The following SNRNP40 variants were observed in gnomAD, a reference collection of about 807,000 sequenced individuals.
SNRNP40 encodes small nuclear ribonucleoprotein U5 subunit 40.
Under a neutral mutation model 45.8 loss-of-function variants are expected in SNRNP40, and 21 were observed. That is an observed-to-expected ratio of 0.46 (90% CI 0.32 to 0.66). SNRNP40 has a LOEUF of 0.66. Ranked by LOEUF, SNRNP40 falls within the 30% of genes least tolerant of loss-of-function variation. The pLI, the probability that SNRNP40 is intolerant of heterozygous loss-of-function variation, is 0.03. For missense variants in SNRNP40, 344 were observed against 439.1 expected (o/e 0.78, Z 1.94); for synonymous variants, 142 against 163.8 (o/e 0.87, Z 1.01).
rs527736438 is a variant in SNRNP40 at position 31,275,974 on chromosome 1, T to C, written c.655-4475A>G. On this transcript the variant is annotated intron_variant, in intron 5 of 9. Coordinates refer to ENST00000263694, the MANE Select transcript of SNRNP40 (RefSeq NM_004814.3). Reference sequence around the variant, plus strand: ...AAAGTTTCATGCACAAATATGTCCATAGCAGCATAATCTGTGATAATGATT... The same window carrying C: ...AAAGTTTCATGCACAAATATGTCCACAGCAGCATAATCTGTGATAATGATT... 1.8e-4 allele frequency among the ~76,000 whole-genome samples: 27 copies of C among 152,306 alleles called. 1 individual carries two copies. The South Asian group carries it at 5.0e-3, about 28-fold the overall frequency.
chr1:31,282,361 A>G (rs555893274), intron 4 of SNRNP40: 1 of 152,258 alleles, frequency 6.6e-6, no homozygotes, highest in East Asian at 1.9e-4. Flanking sequence ...GGGGGCAAGG[A>G]AAAACAGTTG....
At chr1:31,295,593 T>C (rs539769094) in intron 1 of SNRNP40, among the ~76,000 whole-genome samples, 2 of 152,166 alleles carry the variant, frequency 1.3e-5, no homozygotes, top group South Asian at 4.2e-4. Context: ...AATAAGAAAT[T>C]GGTCAGAGAG....
At chr1:31,296,565 G>GA (rs1646161945) in intron 1 of SNRNP40, 46 bp downstream of exon 1, 1 of 1,571,060 alleles carries the variant, frequency 6.4e-7, no homozygotes, top group Middle Eastern at 1.9e-4. Context: ...GCTCTGAGGG[G>GA]AGGAAGATGA....
intron 4 of SNRNP40, among the ~76,000 whole-genome samples, chr1:31,286,939 G>A (rs537734643): frequency 6.6e-6 from 1 of 152,286 alleles, no homozygotes; most frequent in East Asian, 1.9e-4. Context: ...ATATATATAT[G>A]AGTACATACA....
At chr1:31,275,824 T>C (rs866872762) in intron 5 of SNRNP40, among the ~76,000 whole-genome samples, 10 of 152,348 alleles carry the variant, frequency 6.6e-5, no homozygotes, top group Middle Eastern at 6.8e-3. Context: ...GTTTCAAACA[T>C]TGTATTAACT....
chr1:31,271,567 G>A, intron 5 of SNRNP40, 68 bp from the exon 6 acceptor site: 2 of 1,494,580 alleles, frequency 1.3e-6, no homozygotes, highest in Non-Finnish European at 1.8e-6. Context: ...TGACACAAGA[G>A]ACAAGAGTCA....
Position 31,267,557 on chromosome 1 carries a change from A to G in SNRNP40, c.920+314T>C, listed in dbSNP as rs112577570. Among the ~76,000 whole-genome samples the G allele has an allele frequency of 3.6e-3, 552 of 152,042 alleles. 6 individuals are homozygous for G. In the Middle Eastern group the frequency reaches 0.044, roughly 12 times the overall value. On this transcript the variant is annotated intron_variant, in intron 8 of 9. Coordinates refer to ENST00000263694, the MANE Select transcript of SNRNP40 (RefSeq NM_004814.3). ...ATCATTGTTTTTTTTTTGGAGATGG[A>G]GTCTCGCTCTTGCTGCCCGGGCTGG...
At chr1:31,282,927 C>T (rs1646030440) in intron 4 of SNRNP40, among the ~76,000 whole-genome samples, 1 of 152,172 alleles carries the variant, frequency 6.6e-6, no homozygotes, top group South Asian at 2.1e-4. Context: ...CTGTCTGCCT[C>T]ACCCTCCCAA....
chr1:31,261,802 C>T lies in SNRNP40; in HGVS notation c.921-170G>A, dbSNP rs1645860983. On this transcript the variant is annotated intron_variant, in intron 8 of 9. Transcript: ENST00000263694. Reference sequence around the variant, plus strand: ...ACACAGAGTTTGAATAAGACATGGACTCACCTCTTGAGCAATGGGGTGGAG... The same window carrying T: ...ACACAGAGTTTGAATAAGACATGGATTCACCTCTTGAGCAATGGGGTGGAG... The T allele has an allele frequency of 2.9e-5, 15 of 515,384 alleles. 1 individual carries two copies. In the South Asian group the frequency reaches 4.0e-4, roughly 14 times the overall value. 31.9% of individuals were successfully genotyped at this position (515,384 alleles called of 1,614,324 possible).
intron 6 of SNRNP40, chr1:31,271,123 A>G: frequency 5.8e-6 from 2 of 347,780 alleles, no homozygotes; most frequent in South Asian, 7.2e-5. Flanking sequence ...GATACACAGC[A>G]TACCAGAGCT....
intron 4 of SNRNP40, among the ~76,000 whole-genome samples, chr1:31,288,706 C>T (rs1319945820): frequency 2.0e-5 from 3 of 148,040 alleles, no homozygotes; most frequent in East Asian, 4.0e-4. Flanking sequence ...GGTGGAGATA[C>T]TCATAACAGC....
intron 5 of SNRNP40, 125 bp from the exon 6 acceptor site, chr1:31,271,624 C>G: frequency 1.1e-6 from 1 of 948,740 alleles, no homozygotes; most frequent in Non-Finnish European, 1.5e-6. Flanking sequence ...CACAGGATTT[C>G]TGTCAAAGAG....
At chr1:31,270,594 A>G (rs921392220) in intron 6 of SNRNP40, among the ~76,000 whole-genome samples, 7 of 152,248 alleles carry the variant, frequency 4.6e-5, no homozygotes, top group African/African-American at 1.7e-4. Flanking sequence ...CCTTGGAGTC[A>G]GACAGGCATA....
chr1:31,279,049 C>CA lies in SNRNP40; in HGVS notation c.654+2324dup, dbSNP rs140037725. On this transcript the variant is annotated intron_variant, in intron 5 of 9. Coordinates refer to ENST00000263694, the MANE Select transcript of SNRNP40 (RefSeq NM_004814.3). ...AAAAAACAAAAACACATACAAAAAA[C>CA]AAAAAAAAAAACCAGACTATTAGGA... Among the ~76,000 whole-genome samples, 163 of 147,580 alleles carry CA rather than the reference C, an allele frequency of 1.1e-3. 1 individual carries two copies. The highest frequency in any genetic ancestry group is 2.5e-3 in the African/African-American group (97 of 39,260).
intron 8 of SNRNP40, among the ~76,000 whole-genome samples, chr1:31,262,054 A>T (rs891302377): frequency 6.6e-6 from 1 of 152,198 alleles, no homozygotes; most frequent in Non-Finnish European, 1.5e-5. Context: ...GCTGATCCAG[A>T]TGAACTTTTT....
In SNRNP40 at chr1:31,284,902, C is replaced by T. The variant is rs78038392; in HGVS notation, c.532-3406G>A. Among the ~76,000 whole-genome samples the T allele has an allele frequency of 5.9e-3, 895 of 152,292 alleles. 72 individuals carry two copies. In the East Asian group the frequency reaches 0.15, roughly 25 times the overall value. ...TCTCCTACATGCCCAACATCTCCTA[C>T]TCCCCCAACTCCTGTGGTTACAGAA... On this transcript the variant is annotated intron_variant, in intron 4 of 9. Transcript: ENST00000263694.
intron 2 of SNRNP40, 121 bp downstream of exon 2, chr1:31,293,098 T>G (rs1646118274): frequency 9.6e-7 from 1 of 1,045,748 alleles, no homozygotes; most frequent in South Asian, 1.5e-5. Context: ...TTTAGCATAT[T>G]AGCCATGCAG....
chr1:31,276,758 C>A (rs780331922), intron 5 of SNRNP40, among the ~76,000 whole-genome samples: 7 of 152,118 alleles, frequency 4.6e-5, no homozygotes, highest in Non-Finnish European at 8.8e-5. Flanking sequence ...ACTGGCCAGG[C>A]GTGGTGGCTC....
intron 5 of SNRNP40, among the ~76,000 whole-genome samples, chr1:31,273,540 T>C (rs1050390164): frequency 1.3e-5 from 2 of 151,922 alleles, no homozygotes; most frequent in Admixed American, 6.6e-5. Context: ...CTCGGGAGGC[T>C]GAGGCAGAAG....
Sources: gnomAD v4.1 joint callset for allele counts (sites outside exome capture counted in the v4.1 genomes callset) on GRCh38, gnomAD v4.1.1 for gene constraint, MANE v1.5 for transcripts, NCBI Gene and HGNC (gene_info 2026-07-23, HGNC 2026-07-21) for gene names.